Variants in TENT4B observed in about 807,000 individuals in gnomAD.
TENT4B encodes PAP associated domain containing 5.
TENT4B carries 10 observed loss-of-function variants against 75.0 expected under a neutral mutation model. The observed-to-expected ratio is 0.13, with a 90% CI of 0.08 to 0.23. The LOEUF (loss-of-function observed/expected upper bound fraction) is 0.23, where lower values mean the gene tolerates loss of function less well. TENT4B is among the 10% of genes least tolerant of loss of function. TENT4B has a pLI of 1.00. For missense variants in TENT4B, 579 were observed against 893.8 expected (o/e 0.65, Z 4.49); for synonymous variants, 350 against 357.7 (o/e 0.98, Z 0.24).
At chr16:50,198,324 T>G (rs1344436131) in intron 1 of TENT4B, among the ~76,000 whole-genome samples, 1 of 150,636 alleles carries the variant, frequency 6.6e-6, no homozygotes, top group African/African-American at 2.4e-5. Flanking sequence ...GAGGCTGAGG[T>G]TGGAGGATCA....
At chr16:50,182,854 A>G (rs1341939446) in intron 1 of TENT4B, among the ~76,000 whole-genome samples, 1 of 132,676 alleles carries the variant, frequency 7.5e-6, no homozygotes, top group Non-Finnish European at 1.6e-5. Context: ...AACTTTTAAC[A>G]CTCAAGGTCT....
At chr16:50,215,676 T>C (rs777291274) in intron 3 of TENT4B, among the ~76,000 whole-genome samples, 42 of 152,224 alleles carry the variant, frequency 2.8e-4, no homozygotes, top group Non-Finnish European at 4.7e-4. Flanking sequence ...GCATGCTGGA[T>C]ACCTGTTCTG....
intron 1 of TENT4B, among the ~76,000 whole-genome samples, chr16:50,172,104 CT>C (rs1197245347): frequency 6.6e-6 from 1 of 152,044 alleles, no homozygotes; most frequent in East Asian, 1.9e-4. Flanking sequence ...AATCCCAGAA[CT>C]TTGAGAGGCC....
intron 1 of TENT4B, among the ~76,000 whole-genome samples, chr16:50,200,375 A>AG (rs1170098893): frequency 6.6e-6 from 1 of 151,982 alleles, no homozygotes; most frequent in Non-Finnish European, 1.5e-5. Context: ...TAAAAAAAAA[A>AG]AGAGAAAAGA....
At chr16:50,185,910 T>A (rs917391604) in intron 1 of TENT4B, among the ~76,000 whole-genome samples, 4 of 152,204 alleles carry the variant, frequency 2.6e-5, no homozygotes, top group Non-Finnish European at 5.9e-5. Context: ...AGTACACTAT[T>A]GTCTGTATTT....
In TENT4B at chr16:50,233,507, T is replaced by C; in HGVS notation, c.*4179T>C. 1 of 985,374 alleles carries C rather than the reference T, an allele frequency of 1.0e-6. No homozygotes were observed. The highest frequency in any genetic ancestry group is 1.7e-5 in the African/African-American group (1 of 57,336). 61.0% of individuals were successfully genotyped at this position (985,374 alleles called of 1,614,324 possible). On this transcript the variant is annotated 3_prime_UTR_variant, in exon 12 of 12. Coordinates refer to ENST00000561678, the MANE Select transcript of TENT4B (RefSeq NM_001365324.3). ...TCACACCCTTAGCGACTTTTCTTTT[T>C]TTTTTGGTCAAAGATAATGAGCTAA...
chr16:50,223,446 T>A, intron 7 of TENT4B, 59 bp downstream of exon 7: 1 of 1,126,304 alleles, frequency 8.9e-7, no homozygotes, highest in Non-Finnish European at 1.3e-6. Flanking sequence ...AGTCACCTTA[T>A]TATACTTTAA....
In TENT4B at chr16:50,229,544, A is replaced by C; in HGVS notation, c.*216A>C. On this transcript the variant is annotated 3_prime_UTR_variant, in exon 12 of 12. Coordinates refer to ENST00000561678, the MANE Select transcript of TENT4B (RefSeq NM_001365324.3). The stretch of plus-strand genomic sequence containing the variant: ...AAAAAAAAGCAAGCAAAAAAGAGGG[A>C]AAAAAAAGGCTGCTTATTTGATAAG... 8.0e-7 allele frequency: 1 copy of C among 1,251,908 alleles called. No individual in the cohort carries two copies. The highest frequency in any genetic ancestry group is 1.0e-6 in the Non-Finnish European group (1 of 1,000,968). 77.5% of individuals were successfully genotyped at this position (1,251,908 alleles called of 1,614,324 possible).
chr16:50,189,015 G>T (rs2541708), intron 1 of TENT4B, among the ~76,000 whole-genome samples: 1 of 152,010 alleles, frequency 6.6e-6, no homozygotes, highest in Non-Finnish European at 1.5e-5. Context: ...GCTTCCCTGC[G>T]TGGTAGATCT....
Position 50,175,063 on chromosome 16 carries a change from C to G in TENT4B, c.638+20804C>G, listed in dbSNP as rs1005108079. 1.2e-4 allele frequency among the ~76,000 whole-genome samples: 19 copies of G among 152,006 alleles called. 1 individual carries two copies. ...GCCCCTCTTACTCTTTTCTTAGCCT[C>G]TGGTATCTATCATTCTACTCTCTAC... is the stretch of plus-strand genomic sequence containing the variant. On this transcript the variant is annotated intron_variant, in intron 1 of 11. Coordinates refer to ENST00000561678, the MANE Select transcript of TENT4B (RefSeq NM_001365324.3).
At chr16:50,192,016 G>A (rs1164495776) in intron 1 of TENT4B, among the ~76,000 whole-genome samples, 1 of 152,036 alleles carries the variant, frequency 6.6e-6, no homozygotes, top group African/African-American at 2.4e-5. Flanking sequence ...GCCGAGGTGG[G>A]CAGATCACTG....
intron 1 of TENT4B, among the ~76,000 whole-genome samples, chr16:50,174,107 G>C (rs551910523): frequency 6.6e-6 from 1 of 152,018 alleles, no homozygotes; most frequent in African/African-American, 2.4e-5. Flanking sequence ...CTTTTTGTTT[G>C]CTTTTTTTGA....
intron 1 of TENT4B, among the ~76,000 whole-genome samples, chr16:50,162,824 G>A (rs1376898085): frequency 6.6e-6 from 1 of 152,112 alleles, no homozygotes; most frequent in Non-Finnish European, 1.5e-5. Context: ...AAACTGTGGG[G>A]TTTATTTCAA....
intron 1 of TENT4B, among the ~76,000 whole-genome samples, chr16:50,176,892 C>T (rs984807385): frequency 6.6e-6 from 1 of 151,892 alleles, no homozygotes; most frequent in African/African-American, 2.4e-5. Context: ...AGGTATTGTT[C>T]TGTAGTTTTC....
At chr16:50,169,899 T>C (rs2038173867) in intron 1 of TENT4B, among the ~76,000 whole-genome samples, 1 of 152,178 alleles carries the variant, frequency 6.6e-6, no homozygotes, top group Non-Finnish European at 1.5e-5. Flanking sequence ...TGCTTTTAGC[T>C]GTTGGTAGCT....
chr16:50,216,223 A>G, intron 4 of TENT4B, 28 bp downstream of exon 4: 1 of 1,612,562 alleles, frequency 6.2e-7, no homozygotes, highest in Non-Finnish European at 8.5e-7. Flanking sequence ...TCATATTAAA[A>G]TCCTTAGTTA....
intron 1 of TENT4B, among the ~76,000 whole-genome samples, chr16:50,164,470 G>A (rs1231879227): frequency 6.6e-6 from 1 of 151,810 alleles, no homozygotes; most frequent in African/African-American, 2.4e-5. Flanking sequence ...CACCATACCT[G>A]GCTAATTTTT....
rs763279272 is a variant in TENT4B at position 50,229,321 on chromosome 16, G to A, written c.2135G>A (p.Cys712Tyr). The A allele has an allele frequency of 1.2e-5, 20 of 1,612,010 alleles. No individual in the cohort carries two copies. The East Asian group carries it at 2.0e-4, about 16-fold the overall frequency. ...AGGGACGCGCCCCTCTCAGACCTCT[G>A]TAGATAGTCAGCGCTGCGCGGTGGA... ...HKRDAPLSDLCR is the reference protein window; with the variant it reads ...HKRDAPLSDLYR The change falls in exon 12 of 12, where the codon TGT becomes TAT. Residue 712 changes from cysteine to tyrosine, a missense_variant. This residue lies in a region of TENT4B where 164 missense variants were observed against 226.5 expected (regional missense o/e 0.72). Coordinates refer to ENST00000561678, the MANE Select transcript of TENT4B (RefSeq NM_001365324.3).
At position 50,154,279 on chromosome 16, in the gene TENT4B, C is replaced by G; in HGVS notation, c.638+20C>G. On this transcript the variant is annotated intron_variant, in intron 1 of 11. Coordinates refer to ENST00000561678, the MANE Select transcript of TENT4B (RefSeq NM_001365324.3). ...CGTGGGGTGAGTGCTGGCTCTGCGGCCCGATGGCCTGGCCGGTGCGAATGC... is the reference window on the plus strand; with the variant it reads ...CGTGGGGTGAGTGCTGGCTCTGCGGGCCGATGGCCTGGCCGGTGCGAATGC... 1 of 1,395,868 alleles carries G rather than the reference C, an allele frequency of 7.2e-7. No individual in the cohort carries two copies. Among genetic ancestry groups the G allele is most frequent in the Non-Finnish European group, 9.2e-7 (1 of 1,081,582 alleles). The allele number at this position is 1,395,868 out of a possible 1,614,324, so 86.5% of individuals were successfully genotyped here. A position where few individuals can be genotyped will look rare whatever the true frequency, so the allele number is the denominator to read the frequency against.
Sources: gnomAD v4.1 joint callset for allele counts (sites outside exome capture counted in the v4.1 genomes callset) on GRCh38, gnomAD v4.1.1 for gene constraint, gnomAD v4.1.1 regional missense constraint, MANE v1.5 for transcripts, NCBI Gene and HGNC (gene_info 2026-07-23, HGNC 2026-07-21) for gene names.